Variants in TXNL4A observed in about 807,000 individuals in gnomAD.
The protein encoded by TXNL4A is thioredoxin-like protein 4A.
A neutral mutation model predicts 14.6 loss-of-function variants in TXNL4A; 17 were observed. The observed-to-expected ratio is 1.16, with a 90% CI of 0.80 to 1.74. The LOEUF is 1.74. Among genes scored for constraint, TXNL4A ranks in the 40% most tolerant of loss-of-function variants. TXNL4A has a pLI of 0.00. For missense variants in TXNL4A, 74 were observed against 195.2 expected (o/e 0.38, Z 3.70); for synonymous variants, 83 against 70.6 (o/e 1.18, Z -0.88).
chr18:80,018,482 A>C (rs112401137), intron 1 of TXNL4A, among the ~76,000 whole-genome samples: 1 of 152,150 alleles, frequency 6.6e-6, no homozygotes, highest in Non-Finnish European at 1.5e-5. Flanking sequence ...AAATAACTAA[A>C]ATCAGAGCAG....
At chr18:79,994,978 T>C (rs927024951) in intron 1 of TXNL4A, 29 of 152,308 alleles carry the variant, frequency 1.9e-4, no homozygotes, top group African/African-American at 6.7e-4. Flanking sequence ...CAGCCTCTCA[T>C]CTGGAAGACA....
rs548896242 is a variant in TXNL4A at position 80,011,654 on chromosome 18, G to A, written c.-61+22197C>T. On this transcript the variant is annotated intron_variant, in intron 1 of 2. Coordinates refer to the TXNL4A transcript ENST00000585474. This position sits in a 1 kb window ranked among gnomAD's most constrained non-coding sequence, Gnocchi z 4.1. Reference sequence around the variant, plus strand: ...TTATGCCCCGAGAGCACAACCGCTCGGCGGCATTCCACAGGTGGCTCAGGG... The same window carrying A: ...TTATGCCCCGAGAGCACAACCGCTCAGCGGCATTCCACAGGTGGCTCAGGG... 1.3e-5 allele frequency among the ~76,000 whole-genome samples: 2 copies of A among 152,222 alleles called. No individual in the cohort carries two copies. The highest frequency in any genetic ancestry group is 4.8e-5 in the African/African-American group (2 of 41,524).
At chr18:79,986,707 G>T (rs1356392164) in intron 1 of TXNL4A, 44 of 985,384 alleles carry the variant, frequency 4.5e-5, no homozygotes, top group Non-Finnish European at 5.2e-5. Context: ...GCCTCGAGCT[G>T]CCGGCAGCAG....
At chr18:79,980,053 C>CA (rs1435213965) in intron 1 of TXNL4A, among the ~76,000 whole-genome samples, 2 of 152,198 alleles carry the variant, frequency 1.3e-5, no homozygotes, top group Non-Finnish European at 2.9e-5. Context: ...AGGTGGGCCC[C>CA]TAATCTGGTG....
At chr18:80,004,634 T>C (rs1186801266) in intron 1 of TXNL4A, among the ~76,000 whole-genome samples, 2 of 152,072 alleles carry the variant, frequency 1.3e-5, no homozygotes, top group Non-Finnish European at 2.9e-5. Flanking sequence ...CAGGTCAAGG[T>C]GGGCTGTGGA....
At chr18:79,995,375 T>G (rs1869988116) in intron 1 of TXNL4A, 1 of 152,250 alleles carries the variant, frequency 6.6e-6, no homozygotes, top group Non-Finnish European at 1.5e-5. Flanking sequence ...GACTGTTCTG[T>G]TAAATAGCAT....
At chr18:80,009,807 C>T (rs2051758093) in intron 1 of TXNL4A, among the ~76,000 whole-genome samples, 1 of 152,162 alleles carries the variant, frequency 6.6e-6, no homozygotes, top group Non-Finnish European at 1.5e-5. Context: ...TGCATGGTGT[C>T]CCGCCAGAGC....
Position 79,988,240 on chromosome 18 carries a change from C to T in TXNL4A, c.153G>A (p.Lys51=), listed in dbSNP as rs1309736157. 6.5e-7 allele frequency: 1 copy of T among 1,546,238 alleles called. No individual in the cohort carries two copies. The highest frequency in any genetic ancestry group is 2.3e-5 in the East Asian group (1 of 42,772). The change falls in exon 1 of 3, where the codon AAG becomes AAA. Residue 51 remains lysine (K), a splice_region_variant and synonymous_variant. Coordinates refer to ENST00000269601, the MANE Select transcript of TXNL4A (RefSeq NM_006701.5). ...AGAGCGGGAGAGTCCGGCGCGCTAC[C>T]TTCTCGGCGATGCTGTACAGGACCT... ...MDEVLYSIAE[K]VKNFAVIYLV... is the part of the protein sequence containing the mutation.
chr18:80,003,986 C>T (rs2051713455), intron 1 of TXNL4A, among the ~76,000 whole-genome samples: 1 of 152,154 alleles, frequency 6.6e-6, no homozygotes. Context: ...ATGGGGATTA[C>T]AATTCAAGAT....
intron 1 of TXNL4A, 78 bp from the exon 2 acceptor site, chr18:79,977,779 C>A: frequency 3.0e-6 from 3 of 1,007,596 alleles, no homozygotes; most frequent in Non-Finnish European, 4.5e-6. Flanking sequence ...TTTATAAAAA[C>A]AAAACCAAGA....
chr18:80,004,628 T>C lies in TXNL4A; in HGVS notation c.-60-26927A>G, dbSNP rs187018855. On this transcript the variant is annotated intron_variant, in intron 1 of 2. Transcript: ENST00000585474. ...TTCGTGAAAGGGGTGGGTGGGCAGG[T>C]CAAGGTGGGCTGTGGAACTCCTCTG... Among the ~76,000 whole-genome samples the C allele has an allele frequency of 2.6e-4, 39 of 152,200 alleles. 1 individual carries two copies. The highest frequency in any genetic ancestry group is 8.2e-4 in the African/African-American group (34 of 41,516).
At chr18:80,033,693 C>G (rs940349281) in intron 1 of TXNL4A, among the ~76,000 whole-genome samples, 3 of 152,252 alleles carry the variant, frequency 2.0e-5, no homozygotes, top group African/African-American at 7.2e-5. Flanking sequence ...TTCCTAGCTA[C>G]GCAGCGCCAG....
intron 1 of TXNL4A, among the ~76,000 whole-genome samples, chr18:80,023,282 C>T (rs530087951): frequency 2.6e-5 from 4 of 152,042 alleles, no homozygotes; most frequent in African/African-American, 7.2e-5. Flanking sequence ...TTTTTGTTTA[C>T]AAATAGGACA....
rs1386631063 is a variant in TXNL4A, at chr18:80,011,395, G to A, written c.-61+22456C>T. ...ATGTTTTATTTAAGAGTGCACAGGC[G>A]CCCACTACTTCAGCTATAAGGACAT... is the stretch of plus-strand genomic sequence containing the variant. On this transcript the variant is annotated intron_variant, in intron 1 of 2. Transcript: ENST00000585474. This position sits in a 1 kb window ranked among gnomAD's most constrained non-coding sequence, Gnocchi z 4.1. Among the ~76,000 whole-genome samples the A allele has an allele frequency of 6.6e-6, 1 of 152,128 alleles. No homozygotes were observed. Among genetic ancestry groups the A allele is most frequent in the African/African-American group, 2.4e-5 (1 of 41,436 alleles).
At chr18:79,977,307 G>C (rs924617891) in intron 2 of TXNL4A, 4 of 477,682 alleles carry the variant, frequency 8.4e-6, no homozygotes, top group African/African-American at 6.1e-5. Flanking sequence ...TATAGTTCCA[G>C]GTATCTAAAA....
intron 1 of TXNL4A, among the ~76,000 whole-genome samples, chr18:80,024,222 T>A (rs2051869343): frequency 6.6e-6 from 1 of 152,162 alleles, no homozygotes; most frequent in African/African-American, 2.4e-5. Context: ...TGGGAGTTTT[T>A]CCACTGGCTT....
rs530437532 is a variant in TXNL4A at position 80,005,135 on chromosome 18, C to T, written c.-60-27434G>A. ...CAAGGGATGGTTAACACGAGAGTCT[C>T]GTGAGATTGTGATGATCTCCTGGGG... On this transcript the variant is annotated intron_variant, in intron 1 of 2. Coordinates refer to the TXNL4A transcript ENST00000585474. 2.0e-4 allele frequency among the ~76,000 whole-genome samples: 31 copies of T among 152,324 alleles called. No homozygotes were observed. The South Asian group carries it at 5.4e-3, about 27-fold the overall frequency.
chr18:79,988,499 C>G lies in TXNL4A; in HGVS notation c.-107G>C. 8.3e-7 allele frequency: 1 copy of G among 1,198,988 alleles called. No homozygotes were observed. The highest frequency in any genetic ancestry group is 1.1e-6 in the Non-Finnish European group (1 of 950,910). The allele number at this position is 1,198,988 out of a possible 1,614,324, so 74.3% of individuals were successfully genotyped here. ...CCGGCCCCCGCCGCCCCCGGGCCCA[C>G]GGACGAAATCCGGTCCCGCCCGCAC... is the stretch of plus-strand genomic sequence containing the variant. On this transcript the variant is annotated 5_prime_UTR_variant, in exon 1 of 3. Coordinates refer to ENST00000269601, the MANE Select transcript of TXNL4A (RefSeq NM_006701.5).
At chr18:79,981,997 T>C (rs1372246074) in intron 1 of TXNL4A, among the ~76,000 whole-genome samples, 1 of 152,178 alleles carries the variant, frequency 6.6e-6, no homozygotes, top group Non-Finnish European at 1.5e-5. Flanking sequence ...GTCACGTGAG[T>C]GATGCCCAGC....
Sources: allele counts gnomAD v4.1 joint callset (sites outside exome capture counted in the v4.1 genomes callset), GRCh38; gene constraint gnomAD v4.1.1; non-coding constraint Gnocchi (gnomAD v3.1); transcripts MANE v1.5; gene names NCBI Gene and HGNC (gene_info 2026-07-23, HGNC 2026-07-21).